PRICKLE1: variants seen among roughly 807,000 people sequenced by gnomAD.
The protein encoded by PRICKLE1 is prickle-like protein 1.
Under a neutral mutation model 70.2 loss-of-function variants are expected in PRICKLE1, and 14 were observed. That is an observed-to-expected ratio of 0.20 (90% CI 0.13 to 0.31). PRICKLE1 has a LOEUF of 0.31. PRICKLE1 is among the 10% of genes least tolerant of loss of function. The pLI is 1.00. For synonymous variants in PRICKLE1, 357 were observed against 379.9 expected (o/e 0.94, Z 0.70); for missense variants, 821 against 1,026.2 (o/e 0.80, Z 2.73).
In PRICKLE1 at chr12:42,457,684, A is replaced by G. The variant is rs1937635498; in HGVS notation, c.*2125T>C. 6.6e-6 allele frequency: 1 copy of G among 152,284 alleles called. No individual in the cohort carries two copies. Among genetic ancestry groups the G allele is most frequent in the Admixed American group, 6.5e-5 (1 of 15,284 alleles). 9.4% of individuals were successfully genotyped at this position (152,284 alleles called of 1,614,324 possible). ...CATCATTAGGAGTAGGCTATTAAGC[A>G]GTCACTGAAAGAATGGGTAGACCTA... On this transcript the variant is annotated 3_prime_UTR_variant, in exon 8 of 8. Transcript: ENST00000345127.
chr12:42,527,592 C>T (rs1939828180), intron 1 of PRICKLE1, among the ~76,000 whole-genome samples: 1 of 152,086 alleles, frequency 6.6e-6, no homozygotes, highest in Non-Finnish European at 1.5e-5. Flanking sequence ...TTACTGGGAG[C>T]CCATCAAGAC....
chr12:42,545,241 T>C (rs1940188026), intron 1 of PRICKLE1, among the ~76,000 whole-genome samples: 1 of 152,118 alleles, frequency 6.6e-6, no homozygotes, highest in Admixed American at 6.5e-5. Context: ...TGAGCTCAAG[T>C]GATCTACTCA....
intron 1 of PRICKLE1, among the ~76,000 whole-genome samples, chr12:42,577,125 T>A (rs190888594): frequency 1.3e-5 from 2 of 152,340 alleles, no homozygotes; most frequent in Non-Finnish European, 2.9e-5. Context: ...TTAAACACAG[T>A]TTTAATCACT....
chr12:42,465,896 C>A, intron 6 of PRICKLE1: 1 of 474,012 alleles, frequency 2.1e-6, no homozygotes, highest in South Asian at 2.1e-5. Flanking sequence ...GTTGATGAAA[C>A]TGCTGTGACC....
At chr12:42,503,651 G>C (rs1174584413) in intron 1 of PRICKLE1, among the ~76,000 whole-genome samples, 1 of 152,148 alleles carries the variant, frequency 6.6e-6, no homozygotes, top group East Asian at 1.9e-4. Context: ...TAAAAATTAA[G>C]AAAGCTGATT....
chr12:42,537,161 C>T (rs1467000798), intron 1 of PRICKLE1, among the ~76,000 whole-genome samples: 2 of 150,518 alleles, frequency 1.3e-5, no homozygotes, highest in Admixed American at 6.6e-5. Context: ...TTTTTTGAGA[C>T]AGGGTCTTAC....
At chr12:42,517,601 C>T (rs1939633807) in intron 1 of PRICKLE1, among the ~76,000 whole-genome samples, 1 of 151,976 alleles carries the variant, frequency 6.6e-6, no homozygotes, top group South Asian at 2.1e-4. Context: ...CTTGAGCCAC[C>T]GCACCTGGCC....
Position 42,567,688 on chromosome 12 carries a change from G to A in PRICKLE1, c.-49+21777C>T, listed in dbSNP as rs376270584. Among the ~76,000 whole-genome samples, 3 of 151,750 alleles carry A rather than the reference G, an allele frequency of 2.0e-5. 1 individual carries two copies. The highest frequency in any genetic ancestry group is 7.3e-5 in the African/African-American group (3 of 41,350). On this transcript the variant is annotated intron_variant, in intron 1 of 7. Coordinates refer to ENST00000345127, the MANE Select transcript of PRICKLE1 (RefSeq NM_153026.3). ...ACTAAAAATACAAAATTAACTGGGCGCGGTGGTGGTTGTCTGTAATCCTAG... is the reference window on the plus strand; with the variant it reads ...ACTAAAAATACAAAATTAACTGGGCACGGTGGTGGTTGTCTGTAATCCTAG...
chr12:42,510,593 T>TA (rs374088227), intron 1 of PRICKLE1, among the ~76,000 whole-genome samples: 2 of 151,868 alleles, frequency 1.3e-5, no homozygotes, highest in African/African-American at 2.4e-5. Flanking sequence ...ACTTTTTTTT[T>TA]AAAGGTTTTT....
chr12:42,575,132 C>T (rs1054135718), intron 1 of PRICKLE1, among the ~76,000 whole-genome samples: 32 of 151,678 alleles, frequency 2.1e-4, no homozygotes, highest in Admixed American at 2.0e-3. Flanking sequence ...TCAAACCTGG[C>T]AGTGAAACTA....
chr12:42,544,308 T>C (rs1352501326), intron 1 of PRICKLE1, among the ~76,000 whole-genome samples: 2 of 152,250 alleles, frequency 1.3e-5, no homozygotes, highest in East Asian at 3.8e-4. Flanking sequence ...ATGTAAAGTA[T>C]AGCTAATTAT....
intron 1 of PRICKLE1, among the ~76,000 whole-genome samples, chr12:42,553,670 A>G (rs1940365128): frequency 6.6e-6 from 1 of 151,982 alleles, no homozygotes; most frequent in African/African-American, 2.4e-5. Context: ...TCTGAATGTG[A>G]TGGAGGGAGT....
intron 1 of PRICKLE1, among the ~76,000 whole-genome samples, chr12:42,565,820 C>T (rs1035375515): frequency 6.6e-6 from 1 of 152,168 alleles, no homozygotes; most frequent in Non-Finnish European, 1.5e-5. Flanking sequence ...GGCTAAGGGA[C>T]TGAAGGAAGA....
At position 42,459,824 on chromosome 12, in the gene PRICKLE1, A is replaced by G. The variant is rs1304268140; in HGVS notation, c.2481T>C (p.Asn827=). 1 of 1,614,032 alleles carries G rather than the reference A, an allele frequency of 6.2e-7. No individual in the cohort carries two copies. Among genetic ancestry groups the G allele is most frequent in the Admixed American group, 1.7e-5 (1 of 60,002 alleles). ...SKKKKGHKGK[N]CIIS ...CACTACTTGGTTAAGAAATAATACA[A>G]TTTTTGCCCTTGTGTCCCTTTTTCT... The change falls in exon 8 of 8, where the codon AAT becomes AAC. Residue 827 remains asparagine (N), a synonymous_variant. Coordinates refer to ENST00000345127, the MANE Select transcript of PRICKLE1 (RefSeq NM_153026.3).
intron 1 of PRICKLE1, among the ~76,000 whole-genome samples, chr12:42,548,890 G>A (rs1940257496): frequency 6.6e-6 from 1 of 152,156 alleles, no homozygotes. Context: ...GGAGGCCGAG[G>A]CAGGTGGATC....
At chr12:42,489,070 T>C (rs1259099100) in intron 1 of PRICKLE1, among the ~76,000 whole-genome samples, 1 of 151,798 alleles carries the variant, frequency 6.6e-6, no homozygotes, top group Non-Finnish European at 1.5e-5. Flanking sequence ...ATTACAGGCA[T>C]GCGCAACCAC....
In PRICKLE1 at chr12:42,459,981, T is replaced by C. The variant is rs1239945627; in HGVS notation, c.2324A>G (p.Glu775Gly). The part of the protein sequence containing the change: ...SSSSSSDSEE[E>G]GYFLGQPIPQ... The stretch of plus-strand genomic sequence containing the variant: ...GATTGGTTGTCCAAGAAAATATCCT[T>C]CTTCTTCCGAGTCGGAAGAGGAGGA... The change falls in exon 8 of 8, where the codon GAA becomes GGA. Residue 775 changes from glutamate (E) to glycine (G), a missense_variant. Coordinates refer to ENST00000345127, the MANE Select transcript of PRICKLE1 (RefSeq NM_153026.3). The C allele has an allele frequency of 8.7e-6, 14 of 1,613,934 alleles. No individual in the cohort carries two copies. Among genetic ancestry groups the C allele is most frequent in the South Asian group, 1.1e-5 (1 of 91,086 alleles).
intron 1 of PRICKLE1, among the ~76,000 whole-genome samples, chr12:42,509,909 C>T (rs761470898): frequency 6.6e-6 from 1 of 151,696 alleles, no homozygotes; most frequent in African/African-American, 2.4e-5. Context: ...CCTGTCTCTA[C>T]TAAGAATACA....
At chr12:42,495,755 A>AT (rs200834361) in intron 1 of PRICKLE1, among the ~76,000 whole-genome samples, 7,342 of 149,206 alleles carry the variant, frequency 0.049, 405 homozygotes, top group African/African-American at 0.13. Flanking sequence ...CGCCCTGCTA[A>AT]TTTTTTTTTT....
Sources: gnomAD v4.1 joint callset for allele counts (sites outside exome capture counted in the v4.1 genomes callset) on GRCh38, gnomAD v4.1.1 for gene constraint, MANE v1.5 for transcripts, NCBI Gene and HGNC (gene_info 2026-07-23, HGNC 2026-07-21) for gene names.